MCTP2: variants seen among roughly 807,000 people sequenced by gnomAD.
The protein encoded by MCTP2 is multiple C2 and transmembrane domain-containing protein 2.
MCTP2 carries 132 observed loss-of-function variants against 111.6 expected under a neutral mutation model. The ratio of observed to expected loss-of-function variants is 1.18; its 90% CI spans 1.03 to 1.37. The LOEUF (loss-of-function observed/expected upper bound fraction) is 1.37. Ranked by LOEUF, MCTP2 falls within the 40% of genes most tolerant of loss-of-function variation. The probability of loss-of-function intolerance (pLI) is 0.00; values close to 1 mark genes in which losing one functional copy is unlikely to be tolerated. For synonymous variants in MCTP2, 395 were observed against 387.7 expected (o/e 1.02, Z -0.22); for missense variants, 1,183 against 1,067.9 (o/e 1.11, Z -1.50).
Position 94,399,393 on chromosome 15 carries a change from TACTC to T in MCTP2, c.1890+333_1890+336del, listed in dbSNP as rs2081443076. Reference sequence around the variant, plus strand: ...ACTTGAATCTGATTCTTTGGGGTCTTACTCAGTCTGGTGGTTTGAACAAGTGCTA... The same window carrying T: ...ACTTGAATCTGATTCTTTGGGGTCTTAGTCTGGTGGTTTGAACAAGTGCTA... On this transcript the variant is annotated intron_variant, in intron 15 of 22. Transcript: ENST00000357742. 2.3e-5 allele frequency: 5 copies of T among 214,580 alleles called. No individual in the cohort carries two copies. The South Asian group carries it at 4.6e-4, about 20-fold the overall frequency. 13.3% of individuals were successfully genotyped at this position (214,580 alleles called of 1,614,324 possible).
In MCTP2 at chr15:94,366,843, C is replaced by A. The variant is rs577462541; in HGVS notation, c.1302-762C>A. 4.6e-5 allele frequency among the ~76,000 whole-genome samples: 7 copies of A among 152,306 alleles called. No individual in the cohort carries two copies. In the East Asian group the frequency reaches 1.2e-3, roughly 25 times the overall value. ...TGTCAGTGTTAAGGCAAATAAATGG[C>A]TTAGCACCTCAGTCCCCCTTTTTGG... On this transcript the variant is annotated intron_variant, in intron 10 of 22. Transcript: ENST00000357742.
intron 1 of MCTP2, among the ~76,000 whole-genome samples, chr15:94,253,488 C>T (rs2072573600): frequency 6.6e-6 from 1 of 152,178 alleles, no homozygotes; most frequent in Middle Eastern, 3.2e-3. Context: ...CATTGTCATT[C>T]TAGTTACATT....
At chr15:94,409,629 G>C (rs149674955) in intron 17 of MCTP2, among the ~76,000 whole-genome samples, 1 of 152,088 alleles carries the variant, frequency 6.6e-6, no homozygotes, top group Non-Finnish European at 1.5e-5. Context: ...AAAGACTCCA[G>C]AGGTCGTGTA....
chr15:94,436,209 C>A (rs983842406), intron 17 of MCTP2, among the ~76,000 whole-genome samples: 2 of 152,126 alleles, frequency 1.3e-5, no homozygotes, highest in African/African-American at 4.8e-5. Context: ...GTAAATTTTT[C>A]ATTGGAGTTT....
chr15:94,399,216 G>A (rs189783214), intron 15 of MCTP2, among the ~76,000 whole-genome samples, 154 bp downstream of exon 15: 3 of 152,268 alleles, frequency 2.0e-5, no homozygotes, highest in Admixed American at 2.0e-4. Flanking sequence ...TTTATAAGCA[G>A]GTTACCCTCA....
At chr15:94,282,609 T>C (rs1270882440) in intron 1 of MCTP2, among the ~76,000 whole-genome samples, 1 of 152,244 alleles carries the variant, frequency 6.6e-6, no homozygotes, top group Non-Finnish European at 1.5e-5. Flanking sequence ...GGTCAGAAGA[T>C]ACTCTGGCTT....
At chr15:94,321,085 T>C (rs2076610475) in intron 4 of MCTP2, among the ~76,000 whole-genome samples, 1 of 152,206 alleles carries the variant, frequency 6.6e-6, no homozygotes, top group South Asian at 2.1e-4. Flanking sequence ...ATATCCCATA[T>C]TCTGACTCAC....
At chr15:94,467,882 A>C (rs2073530531) in intron 20 of MCTP2, among the ~76,000 whole-genome samples, 2 of 110,906 alleles carry the variant, frequency 1.8e-5, no homozygotes, top group African/African-American at 5.5e-5. Context: ...ACAAATGTAG[A>C]AATTCAAAAT....
intron 4 of MCTP2, among the ~76,000 whole-genome samples, chr15:94,317,595 T>C (rs1306817132): frequency 3.3e-5 from 5 of 152,212 alleles, no homozygotes; most frequent in Non-Finnish European, 7.3e-5. Flanking sequence ...TCTTACCTGC[T>C]GCCTCCAAGC....
At position 94,298,633 on chromosome 15, in the gene MCTP2, C is replaced by T. The variant is rs149453237; in HGVS notation, c.368C>T (p.Ala123Val). ...LHVVETDSEE[A>V]YASPAERRRV... ...GTGGTGGAAACAGACTCAGAGGAGGCCTATGCCTCTCCTGCTGAGCGGAGA... is the reference window on the plus strand; with the variant it reads ...GTGGTGGAAACAGACTCAGAGGAGGTCTATGCCTCTCCTGCTGAGCGGAGA... The change falls in exon 2 of 23, where the codon GCC becomes GTC. Residue 123 changes from alanine to valine, a missense_variant. Transcript: ENST00000357742. The T allele has an allele frequency of 6.2e-7, 1 of 1,614,070 alleles. No homozygotes were observed. The highest frequency in any genetic ancestry group is 2.2e-5 in the East Asian group (1 of 44,868).
At chr15:94,397,236 C>A (rs2081324753) in intron 14 of MCTP2, among the ~76,000 whole-genome samples, 1 of 152,152 alleles carries the variant, frequency 6.6e-6, no homozygotes, top group Non-Finnish European at 1.5e-5. Context: ...TTTGCTGACA[C>A]AATGTGAGGG....
At chr15:94,477,852 G>T (rs1223179569) in intron 22 of MCTP2, among the ~76,000 whole-genome samples, 1 of 152,052 alleles carries the variant, frequency 6.6e-6, no homozygotes, top group Non-Finnish European at 1.5e-5. Context: ...TTTAACATTT[G>T]TATTACTTAA....
intron 1 of MCTP2, among the ~76,000 whole-genome samples, chr15:94,235,474 T>G (rs2070477666): frequency 6.6e-6 from 1 of 152,164 alleles, no homozygotes; most frequent in South Asian, 2.1e-4. Flanking sequence ...ACCACTGGTC[T>G]TAATATTTAA....
At chr15:94,405,032 G>A (rs2081833601) in intron 17 of MCTP2, among the ~76,000 whole-genome samples, 1 of 152,224 alleles carries the variant, frequency 6.6e-6, no homozygotes, top group Non-Finnish European at 1.5e-5. Context: ...GCTGTCTGAA[G>A]CAAGGTTTTA....
intron 1 of MCTP2, among the ~76,000 whole-genome samples, chr15:94,266,708 A>G (rs938163559): frequency 6.6e-6 from 1 of 152,182 alleles, no homozygotes; most frequent in South Asian, 2.1e-4. Flanking sequence ...AATGTGTTTC[A>G]CTGAAAGGCC....
chr15:94,340,596 A>AGGGGGATC, intron 6 of MCTP2, among the ~76,000 whole-genome samples: 1 of 152,272 alleles, frequency 6.6e-6, no homozygotes, highest in East Asian at 1.9e-4. Flanking sequence ...GTGGTAGGGG[A>AGGGGGATC]GGGGGATCAG....
At chr15:94,415,471 G>A (rs114441513) in intron 17 of MCTP2, among the ~76,000 whole-genome samples, 41 of 152,230 alleles carry the variant, frequency 2.7e-4, no homozygotes, top group African/African-American at 9.6e-4. Context: ...GTTCCAAAGC[G>A]GGGCTTAAAA....
At chr15:94,375,076 C>G (rs1352106177) in intron 12 of MCTP2, among the ~76,000 whole-genome samples, 1 of 152,156 alleles carries the variant, frequency 6.6e-6, no homozygotes, top group Admixed American at 6.6e-5. Flanking sequence ...ACAGCTTCTG[C>G]TTCTTGGGAA....
At chr15:94,456,255 A>G (rs2084828234) in intron 19 of MCTP2, among the ~76,000 whole-genome samples, 2 of 152,332 alleles carry the variant, frequency 1.3e-5, no homozygotes, top group South Asian at 2.1e-4. Flanking sequence ...ACTCATGAGC[A>G]TCGTTATTTT....
Sources: gnomAD v4.1 joint callset for allele counts (sites outside exome capture counted in the v4.1 genomes callset) on GRCh38, gnomAD v4.1.1 for gene constraint, MANE v1.5 for transcripts, NCBI Gene and HGNC (gene_info 2026-07-23, HGNC 2026-07-21) for gene names.